The following DMXL1 variants were observed in gnomAD, a reference collection of about 807,000 sequenced individuals.
DMXL1 encodes dmX-like protein 1.
DMXL1 carries 99 observed loss-of-function variants against 319.2 expected under a neutral mutation model. The ratio of observed to expected loss-of-function variants is 0.31; its 90% CI spans 0.26 to 0.37. The LOEUF is 0.37. Ranked by LOEUF, DMXL1 falls within the 10% of genes least tolerant of loss-of-function variation. The pLI is 1.00. For synonymous variants in DMXL1, 1,385 were observed against 1,235.2 expected, an observed-to-expected ratio of 1.12 and a Z score of -2.54; for missense variants, 3,745 against 3,595.6, an observed-to-expected ratio of 1.04 and a Z score of -1.06.
At chr5:119,171,444 T>C (rs1473735185) in intron 24 of DMXL1, among the ~76,000 whole-genome samples, 164 bp downstream of exon 24, 2 of 152,150 alleles carry the variant, frequency 1.3e-5, no homozygotes, top group African/African-American at 2.4e-5. Context: ...GAGTTGTGTA[T>C]TTATAGTAGT....
At chr5:119,207,322 A>T (rs1451010202) in intron 34 of DMXL1, among the ~76,000 whole-genome samples, 1 of 152,192 alleles carries the variant, frequency 6.6e-6, no homozygotes, top group Non-Finnish European at 1.5e-5. Context: ...TTAGGAATTA[A>T]TATTAATTCC....
intron 13 of DMXL1, among the ~76,000 whole-genome samples, chr5:119,142,601 A>G (rs1428829522): frequency 6.6e-6 from 1 of 151,984 alleles, no homozygotes; most frequent in Non-Finnish European, 1.5e-5. Context: ...GTGTAAATTA[A>G]TTCAACCGTT....
At chr5:119,105,440 AT>A (rs1250292560) in intron 4 of DMXL1, among the ~76,000 whole-genome samples, 182 bp downstream of exon 4, 10 of 152,224 alleles carry the variant, frequency 6.6e-5, no homozygotes, top group Admixed American at 6.5e-4. Context: ...ACTGTAAGAA[AT>A]GAGAGAATGT....
Position 119,170,232 on chromosome 5 carries a change from A to G in DMXL1, c.5441A>G (p.Tyr1814Cys). The change falls in exon 24 of 44, where the codon TAC becomes TGC. Residue 1814 changes from tyrosine to cysteine, a missense_variant. Around this residue, in one of 4 missense-constraint regions of DMXL1, gnomAD observed 1,382 missense variants for 1,269.5 expected, o/e 1.09. Transcript: ENST00000539542. ...SASNPTVFNF[Y>C]NYLRTHPLLL... ...AGTAATCCTACAGTTTTTAATTTCT[A>G]CAATTATCTAAGAACACATCCTCTT... 1.2e-6 allele frequency: 2 copies of G among 1,605,198 alleles called. No individual in the cohort carries two copies. Among genetic ancestry groups the G allele is most frequent in the Non-Finnish European group, 1.7e-6 (2 of 1,177,692 alleles).
chr5:119,221,879 A>G (rs1449400262), intron 37 of DMXL1, among the ~76,000 whole-genome samples: 1 of 151,674 alleles, frequency 6.6e-6, no homozygotes, highest in Non-Finnish European at 1.5e-5. Context: ...GTAGTGTTGG[A>G]GGATCTTTTT....
At chr5:119,189,320 G>A (rs1404131051) in intron 28 of DMXL1, among the ~76,000 whole-genome samples, 1 of 152,078 alleles carries the variant, frequency 6.6e-6, no homozygotes, top group Non-Finnish European at 1.5e-5. Flanking sequence ...TCTCAGAAGG[G>A]AGTTGTTGCT....
In DMXL1 at chr5:119,197,870, A is replaced by C. The variant is rs201904279; in HGVS notation, c.7659A>C (p.Ala2553=). 7 of 1,614,164 alleles carry C rather than the reference A, an allele frequency of 4.3e-6. No homozygotes were observed. In the African/African-American group the frequency reaches 9.3e-5, roughly 22 times the overall value. Residue 2553 remains alanine, a synonymous_variant, in exon 32 of 44, where the codon GCA becomes GCC. Transcript: ENST00000539542. ...IHGGPPQNYI[A]SHTAEESLSA... ...GTGGGCCACCTCAAAATTATATCGC[A>C]AGTCATACCGCCGAAGAGAGTTTGT...
Position 119,134,013 on chromosome 5 carries a change from G to T in DMXL1, c.2089G>T (p.Asp697Tyr), listed in dbSNP as rs756372289. 1.2e-6 allele frequency: 2 copies of T among 1,614,176 alleles called. No homozygotes were observed. The highest frequency in any genetic ancestry group is 2.2e-5 in the East Asian group (1 of 44,886). The change falls in exon 12 of 44, where the codon GAT (aspartate) becomes TAT (tyrosine). Residue 697 changes from aspartate to tyrosine, a missense_variant. Coordinates refer to ENST00000539542, the MANE Select transcript of DMXL1 (RefSeq NM_001290321.3). Reference sequence around the variant, plus strand: ...AAGCACTGTTGACGTGGCATTTCAGGATCCCAGTGCAGTTTACAGTGAGCT... The same window carrying T: ...AAGCACTGTTGACGTGGCATTTCAGTATCCCAGTGCAGTTTACAGTGAGCT... ...NKSTVDVAFQDPSAVYSELIL... is the reference protein window; with the variant it reads ...NKSTVDVAFQYPSAVYSELIL...
chr5:119,147,652 T>A, intron 17 of DMXL1, 182 bp downstream of exon 17: 1 of 496,228 alleles, frequency 2.0e-6, no homozygotes, highest in Non-Finnish European at 3.5e-6. Flanking sequence ...CTCTGACATT[T>A]ATCAGCCAGT....
At chr5:119,160,423 G>T (rs1200578844) in intron 19 of DMXL1, among the ~76,000 whole-genome samples, 1 of 152,062 alleles carries the variant, frequency 6.6e-6, no homozygotes, top group Non-Finnish European at 1.5e-5. Context: ...ACATACACTT[G>T]AATTTTTTAA....
chr5:119,186,837 G>T (rs369293228), intron 28 of DMXL1, among the ~76,000 whole-genome samples: 1 of 146,340 alleles, frequency 6.8e-6, no homozygotes, highest in Admixed American at 6.9e-5. Flanking sequence ...GAAGGAAGGT[G>T]TATTTGTCTG....
rs1749690255 is a variant in DMXL1, at chr5:119,071,958, A to G, written c.87+302A>G. On this transcript the variant is annotated intron_variant, in intron 1 of 43. Coordinates refer to ENST00000539542, the MANE Select transcript of DMXL1 (RefSeq NM_001290321.3). ...GTCGTTTGTTCAAAAATCTTTGTTG[A>G]GTAACGAGTTGGGGGCTTTTTTATA... 2.0e-5 allele frequency among the ~76,000 whole-genome samples: 3 copies of G among 152,106 alleles called. No individual in the cohort carries two copies. In the South Asian group the frequency reaches 6.2e-4, roughly 31 times the overall value.
intron 25 of DMXL1, among the ~76,000 whole-genome samples, chr5:119,172,923 T>G (rs543451829): frequency 6.6e-6 from 1 of 152,244 alleles, no homozygotes; most frequent in East Asian, 1.9e-4. Context: ...ATGCCCATAG[T>G]GCTTATTATA....
chr5:119,081,637 A>G (rs1752210234), intron 1 of DMXL1: 14 of 984,712 alleles, frequency 1.4e-5, no homozygotes, highest in African/African-American at 1.8e-5. Flanking sequence ...TGTGAAGAAG[A>G]TATAGAGCCG....
At chr5:119,181,388 A>C (rs1776743630) in intron 28 of DMXL1, among the ~76,000 whole-genome samples, 1 of 152,216 alleles carries the variant, frequency 6.6e-6, no homozygotes, top group Non-Finnish European at 1.5e-5. Context: ...TCTAAATACA[A>C]TCATGGAAGT....
At position 119,149,234 on chromosome 5, in the gene DMXL1, C is replaced by CA; in HGVS notation, c.3410dup (p.His1138AlafsTer10). On this transcript the variant is annotated frameshift_variant, in exon 18 of 44. Coordinates refer to ENST00000539542, the MANE Select transcript of DMXL1 (RefSeq NM_001290321.3). LOFTEE classifies it high-confidence loss of function. ...AGTAAAGAGAATATCACATCAAACA[C>CA]AAAGCATTTAGTTCACTTAGATTGG... 6.2e-7 allele frequency: 1 copy of CA among 1,613,858 alleles called. No homozygotes were observed. Among genetic ancestry groups the CA allele is most frequent in the Non-Finnish European group, 8.5e-7 (1 of 1,179,870 alleles).
At chr5:119,203,517 T>A (rs570341122) in intron 33 of DMXL1, 81 bp downstream of exon 33, 1 of 778,360 alleles carries the variant, frequency 1.3e-6, no homozygotes, top group East Asian at 3.2e-5. Flanking sequence ...ATGAGTTGTA[T>A]TTTACAGATT....
chr5:119,192,022 A>G (rs1462872323), intron 29 of DMXL1, among the ~76,000 whole-genome samples: 7 of 152,218 alleles, frequency 4.6e-5, no homozygotes, highest in Admixed American at 4.6e-4. Flanking sequence ...CAGCTGTTCC[A>G]GAAGTTCCAC....
At chr5:119,173,565 G>C (rs1035059317) in intron 25 of DMXL1, among the ~76,000 whole-genome samples, 32 of 151,254 alleles carry the variant, frequency 2.1e-4, no homozygotes, top group Non-Finnish European at 4.0e-4. Flanking sequence ...GTTGGCGCAT[G>C]TTGACAGCAC....
Sources: allele counts gnomAD v4.1 joint callset (sites outside exome capture counted in the v4.1 genomes callset), GRCh38; gene constraint gnomAD v4.1.1; regional missense constraint gnomAD v4.1.1; transcripts MANE v1.5; gene names NCBI Gene and HGNC (gene_info 2026-07-23, HGNC 2026-07-21).